FLCN: variants seen among roughly 807,000 people sequenced by gnomAD.
FLCN encodes folliculin.
Under a neutral mutation model 62.5 loss-of-function variants are expected in FLCN, and 22 were observed. The observed-to-expected ratio is 0.35, with a 90% CI of 0.25 to 0.50. The LOEUF (loss-of-function observed/expected upper bound fraction) is 0.50. FLCN is among the 20% of genes least tolerant of loss of function. The probability of loss-of-function intolerance (pLI) is 0.97; values close to 1 mark genes in which losing one functional copy is unlikely to be tolerated. For missense variants in FLCN, 657 were observed against 778.0 expected, an observed-to-expected ratio of 0.84 and a Z score of 1.85; for synonymous variants, 319 against 310.0, an observed-to-expected ratio of 1.03 and a Z score of -0.30.
chr17:17,218,590 C>G (rs1019159026), intron 9 of FLCN, among the ~76,000 whole-genome samples: 3 of 152,008 alleles, frequency 2.0e-5, no homozygotes, highest in Admixed American at 6.6e-5. Flanking sequence ...CCATGTTGGC[C>G]AGGCTGGTCT....
Position 17,226,202 on chromosome 17 carries a change from C to T in FLCN, c.370G>A (p.Ala124Thr). The change falls in exon 5 of 14, where the codon GCC becomes ACC. Residue 124 changes from alanine (A) to threonine (T), a missense_variant. Transcript: ENST00000285071. ...TCACAGCTCAGGCTCCGGACACAGG[C>T]CTGGCGGACAATGCTGAAGAGCTGG... ...HPQLFSIVRQACVRSLSCEVC... is the reference protein window; with the variant it reads ...HPQLFSIVRQTCVRSLSCEVC... 2.5e-6 allele frequency: 4 copies of T among 1,614,058 alleles called. No homozygotes were observed. The highest frequency in any genetic ancestry group is 3.4e-6 in the Non-Finnish European group (4 of 1,180,032).
intron 1 of FLCN, among the ~76,000 whole-genome samples, chr17:17,236,619 T>C (rs1597641278): frequency 6.6e-6 from 1 of 152,118 alleles, no homozygotes; most frequent in African/African-American, 2.4e-5. Flanking sequence ...AGGACCCTCC[T>C]GAACGCCAAA....
intron 8 of FLCN, chr17:17,221,021 G>T: frequency 1.8e-6 from 1 of 557,848 alleles, no homozygotes; most frequent in Non-Finnish European, 2.9e-6. Flanking sequence ...GGAAAGCTTG[G>T]CCAAGACTGG....
chr17:17,226,525 G>T (rs1169334142), intron 4 of FLCN, among the ~76,000 whole-genome samples: 1 of 152,208 alleles, frequency 6.6e-6, no homozygotes, highest in African/African-American at 2.4e-5. Context: ...GCCAGAGGTT[G>T]TTCCTAACAG....
intron 1 of FLCN, chr17:17,235,469 G>A (rs1156789231): frequency 6.6e-6 from 1 of 152,132 alleles, no homozygotes; most frequent in Non-Finnish European, 1.5e-5. Context: ...AAGAAAGAAA[G>A]AAAGAAAGCA....
At chr17:17,214,840 T>C in intron 13 of FLCN, 145 bp downstream of exon 13, 1 of 828,178 alleles carries the variant, frequency 1.2e-6, no homozygotes, top group East Asian at 2.7e-5. Context: ...AGCTTTGCAG[T>C]GGCGGACGTG....
At chr17:17,219,949 G>GAAGTA (rs2047041933) in intron 8 of FLCN, 1 of 152,272 alleles carries the variant, frequency 6.6e-6, no homozygotes, top group African/African-American at 2.4e-5. Flanking sequence ...TGAACCACAG[G>GAAGTA]AAGTAATATG....
chr17:17,213,268 A>T lies in FLCN; in HGVS notation c.*387T>A. ...CTGAATTTCAAAGTAGAAACGCTTG[A>T]ATGTTAACCTCGGGAGCAGACATGT... On this transcript the variant is annotated 3_prime_UTR_variant, in exon 14 of 14. Coordinates refer to ENST00000285071, the MANE Select transcript of FLCN (RefSeq NM_144997.7). The T allele has an allele frequency of 7.2e-6, 3 of 416,412 alleles. No individual in the cohort carries two copies. In the South Asian group the frequency reaches 8.0e-5, roughly 11 times the overall value. The allele number at this position is 416,412 out of a possible 1,614,324, so 25.8% of individuals were successfully genotyped here.
At position 17,216,958 on chromosome 17, in the gene FLCN, T is replaced by C; in HGVS notation, c.1176+111A>G. On this transcript the variant is annotated intron_variant, in intron 10 of 13. Transcript: ENST00000285071. The surrounding 1 kb of genome is among the most constrained non-coding windows in gnomAD (Gnocchi z 4.0). ...TGCGCCCCCAGTGGAGACCGTGTGGTGCACAGCGGTTCTGTGCTGGGCAGT... is the reference window on the plus strand; with the variant it reads ...TGCGCCCCCAGTGGAGACCGTGTGGCGCACAGCGGTTCTGTGCTGGGCAGT... 2.5e-6 allele frequency: 2 copies of C among 810,408 alleles called. No individual in the cohort carries two copies. Among genetic ancestry groups the C allele is most frequent in the Non-Finnish European group, 4.3e-6 (2 of 470,136 alleles). 50.2% of individuals were successfully genotyped at this position (810,408 alleles called of 1,614,324 possible).
At chr17:17,235,812 C>CGA (rs2047566842) in intron 1 of FLCN, 1 of 152,252 alleles carries the variant, frequency 6.6e-6, no homozygotes, top group Non-Finnish European at 1.5e-5. Flanking sequence ...TCTCACGAGT[C>CGA]TGTTTCCAAC....
chr17:17,213,354 A>G lies in FLCN; in HGVS notation c.*301T>C. ...CTGCGGGTTTTGAGTCTAAGTCCAC[A>G]AGGGGCCTGGGAGGCAAGCTGTCCT... is the stretch of plus-strand genomic sequence containing the variant. On this transcript the variant is annotated 3_prime_UTR_variant, in exon 14 of 14. Coordinates refer to ENST00000285071, the MANE Select transcript of FLCN (RefSeq NM_144997.7). 1.9e-6 allele frequency: 1 copy of G among 531,710 alleles called. No individual in the cohort carries two copies. Among genetic ancestry groups the G allele is most frequent in the South Asian group, 2.1e-5 (1 of 48,078 alleles). 32.9% of individuals were successfully genotyped at this position (531,710 alleles called of 1,614,324 possible).
intron 2 of FLCN, among the ~76,000 whole-genome samples, chr17:17,232,508 CA>C (rs1445227484): frequency 6.6e-6 from 1 of 152,094 alleles, no homozygotes. Flanking sequence ...AGTCTAGTGG[CA>C]CAGGAACCAA....
intron 5 of FLCN, 97 bp downstream of exon 5, chr17:17,226,079 G>A: frequency 6.5e-7 from 1 of 1,546,184 alleles, no homozygotes; most frequent in Non-Finnish European, 8.8e-7. Context: ...GAGGACCAGT[G>A]CCTGCCTCCC....
At position 17,213,504 on chromosome 17, in the gene FLCN, G is replaced by C. The variant is rs1784726629; in HGVS notation, c.*151C>G. ...TGGGAAGCACACAGGCCCCAAACCT[G>C]ACAGGGCCGAGCCCAGCCCTGATGG... On this transcript the variant is annotated 3_prime_UTR_variant, in exon 14 of 14. Transcript: ENST00000285071. 5.7e-6 allele frequency: 6 copies of C among 1,050,182 alleles called. No homozygotes were observed. In the Admixed American group the frequency reaches 1.0e-4, roughly 17 times the overall value. The allele number at this position is 1,050,182 out of a possible 1,614,324, so 65.1% of individuals were successfully genotyped here.
rs1396740596 is a variant in FLCN, at chr17:17,227,912, G to A, written c.226C>T (p.Pro76Ser). 1 of 1,613,984 alleles carries A rather than the reference G, an allele frequency of 6.2e-7. No homozygotes were observed. The highest frequency in any genetic ancestry group is 8.5e-7 in the Non-Finnish European group (1 of 1,180,048). ...GCCTCGCACATGTCCGACTTTTTGGGCCCCGGGCTGCTGGACTCGACGCTG... is the reference window on the plus strand; with the variant it reads ...GCCTCGCACATGTCCGACTTTTTGGACCCCGGGCTGCTGGACTCGACGCTG... ...GASVESSSPGPKKSDMCEGCR... is the reference protein window; with the variant it reads ...GASVESSSPGSKKSDMCEGCR... Residue 76 changes from proline (P) to serine (S), a missense_variant, in exon 4 of 14, where the codon CCC (proline) becomes TCC (serine). Pro to Ser is a moderately conservative substitution (Grantham distance 74). Transcript: ENST00000285071.
rs1253782475 is a variant in FLCN, at chr17:17,224,077, T to A, written c.463A>T (p.Thr155Ser). 1.2e-6 allele frequency: 2 copies of A among 1,613,216 alleles called. No individual in the cohort carries two copies. The highest frequency in any genetic ancestry group is 1.3e-5 in the African/African-American group (1 of 74,914). The change falls in exon 6 of 14, where the codon ACC becomes TCC. Residue 155 changes from threonine (T) to serine (S), a missense_variant. Transcript: ENST00000285071. ...GCCAGGCTGTCCTTGATGAAGAAGG[T>A]GTGGCTGAACACAAAGCCGTGCTGC... ...DEQHGFVFSH[T>S]FFIKDSLARG...
At chr17:17,232,304 G>A (rs564597911) in intron 2 of FLCN, among the ~76,000 whole-genome samples, 8 of 152,298 alleles carry the variant, frequency 5.3e-5, no homozygotes, top group East Asian at 1.9e-4. Context: ...GCTTTGAGTC[G>A]TAGCGCTCCT....
rs1468536104 is a variant in FLCN at position 17,213,521 on chromosome 17, C to T, written c.*134G>A. On this transcript the variant is annotated 3_prime_UTR_variant, in exon 14 of 14. Transcript: ENST00000285071. ...CCAAACCTGACAGGGCCGAGCCCAG[C>T]CCTGATGGTTTCCCTTCCTTGCTGG... is the stretch of plus-strand genomic sequence containing the variant. The T allele has an allele frequency of 1.0e-5, 13 of 1,252,846 alleles. No homozygotes were observed. In the East Asian group the frequency reaches 2.7e-4, roughly 26 times the overall value. The allele number at this position is 1,252,846 out of a possible 1,614,324, so 77.6% of individuals were successfully genotyped here. A position where few individuals can be genotyped will look rare whatever the true frequency, so the allele number is the denominator to read the frequency against.
In FLCN at chr17:17,226,238, G is replaced by A. The variant is rs2047244344; in HGVS notation, c.334C>T (p.Pro112Ser). ...TSIKYVSHQH[P>S]SHPQLFSIVR... ...ATGCTGAAGAGCTGGGGGTGGCTGG[G>A]GTGCTGGTGGCTGACGTATTTAATG... The change falls in exon 5 of 14, where the codon CCC (proline) becomes TCC (serine). Residue 112 changes from proline (P) to serine (S), a missense_variant. Coordinates refer to ENST00000285071, the MANE Select transcript of FLCN (RefSeq NM_144997.7). 2 of 1,614,048 alleles carry A rather than the reference G, an allele frequency of 1.2e-6. No homozygotes were observed. Among genetic ancestry groups the A allele is most frequent in the African/African-American group, 2.7e-5 (2 of 74,930 alleles).
Sources: allele counts gnomAD v4.1 joint callset (sites outside exome capture counted in the v4.1 genomes callset), GRCh38; gene constraint gnomAD v4.1.1; non-coding constraint Gnocchi (gnomAD v3.1); transcripts MANE v1.5; gene names NCBI Gene and HGNC (gene_info 2026-07-23, HGNC 2026-07-21).